Variants in FGF10 observed in about 807,000 individuals in gnomAD.
The protein encoded by FGF10 is FGF-10.
Under a neutral mutation model 19.8 loss-of-function variants are expected in FGF10, and 2 were observed. The observed-to-expected ratio is 0.10, with a 90% CI of 0.04 to 0.32. The LOEUF is 0.32. FGF10 is among the 10% of genes least tolerant of loss of function. FGF10 has a pLI of 1.00. For synonymous variants in FGF10, 112 were observed against 94.0 expected, an observed-to-expected ratio of 1.19 and a Z score of -1.10; for missense variants, 191 against 246.3, an observed-to-expected ratio of 0.78 and a Z score of 1.50.
chr5:44,380,772 G>A (rs771073762), intron 1 of FGF10, among the ~76,000 whole-genome samples: 46 of 152,202 alleles, frequency 3.0e-4, no homozygotes, highest in Non-Finnish European at 5.4e-4. Context: ...CTTGAGCCCA[G>A]GAATTTGAGA....
rs1050996219 is a variant in FGF10 at position 44,370,367 on chromosome 5, C to T, written c.325+17991G>A. 5.1e-4 allele frequency among the ~76,000 whole-genome samples: 77 copies of T among 152,086 alleles called. 1 individual carries two copies. The highest frequency in any genetic ancestry group is 1.3e-4 in the Admixed American group (2 of 15,256). Reference sequence around the variant, plus strand: ...GAACATATGCATTTATTTGCCTAGTCTCAGATAATATAAGTAAAAATCCTT... The same window carrying T: ...GAACATATGCATTTATTTGCCTAGTTTCAGATAATATAAGTAAAAATCCTT... On this transcript the variant is annotated intron_variant, in intron 1 of 2. Coordinates refer to ENST00000264664, the MANE Select transcript of FGF10 (RefSeq NM_004465.2).
intron 1 of FGF10, among the ~76,000 whole-genome samples, chr5:44,387,178 G>A (rs546316689): frequency 2.0e-5 from 3 of 152,312 alleles, no homozygotes; most frequent in African/African-American, 7.2e-5. Context: ...AATAGTGGAT[G>A]AATAAGTCTC....
chr5:44,318,135 C>T (rs1291430258), intron 1 of FGF10, among the ~76,000 whole-genome samples: 1 of 152,050 alleles, frequency 6.6e-6, no homozygotes, highest in Non-Finnish European at 1.5e-5. Flanking sequence ...TTTGCTGTGA[C>T]CCAAGATAAC....
In FGF10 at chr5:44,349,447, T is replaced by TATATATATCAGA. The variant is rs1554038131; in HGVS notation, c.325+38910_325+38911insTCTGATATATAT. 5.4e-3 allele frequency among the ~76,000 whole-genome samples: 84 copies of TATATATATCAGA among 15,452 alleles called. 2 individuals are homozygous for TATATATATCAGA. Among genetic ancestry groups the TATATATATCAGA allele is most frequent in the Non-Finnish European group, 1.0e-2 (63 of 6,320 alleles). The allele number at this position is 15,452 out of a possible 152,430, so 10.1% of individuals were successfully genotyped here. ...TTATATATATATATATATATATATA[T>TATATATATCAGA]ATATATATATATATATATATATCAG... is the stretch of plus-strand genomic sequence containing the variant. On this transcript the variant is annotated intron_variant, in intron 1 of 2. Coordinates refer to ENST00000264664, the MANE Select transcript of FGF10 (RefSeq NM_004465.2).
intron 1 of FGF10, among the ~76,000 whole-genome samples, chr5:44,348,218 G>A (rs965933367): frequency 6.6e-6 from 1 of 151,614 alleles, no homozygotes; most frequent in Admixed American, 6.6e-5. Flanking sequence ...TGCATATAAA[G>A]GTGGGTTAAC....
chr5:44,363,274 C>T (rs1219470795), intron 1 of FGF10, among the ~76,000 whole-genome samples: 4 of 151,788 alleles, frequency 2.6e-5, no homozygotes, highest in Non-Finnish European at 5.9e-5. Flanking sequence ...ATTAAAGCCA[C>T]TGGTAAATCT....
At chr5:44,308,664 T>A (rs955161903) in intron 2 of FGF10, among the ~76,000 whole-genome samples, 1 of 152,022 alleles carries the variant, frequency 6.6e-6, no homozygotes, top group Non-Finnish European at 1.5e-5. Flanking sequence ...AATGGAGAAA[T>A]TTTACTAAAA....
rs1056630484 is a variant in FGF10, at chr5:44,386,840, C to A, written c.325+1518G>T. On this transcript the variant is annotated intron_variant, in intron 1 of 2. Transcript: ENST00000264664. The stretch of plus-strand genomic sequence containing the variant: ...AAGTTAATGTTGAATGTGTGTGCAT[C>A]CCCACAGAAGAAAACTAAATTCTTA... Among the ~76,000 whole-genome samples the A allele has an allele frequency of 2.6e-5, 4 of 152,194 alleles. No homozygotes were observed. In the East Asian group the frequency reaches 5.8e-4, roughly 22 times the overall value.
intron 1 of FGF10, among the ~76,000 whole-genome samples, chr5:44,378,188 T>A (rs1741908818): frequency 6.6e-6 from 1 of 152,138 alleles, no homozygotes; most frequent in Non-Finnish European, 1.5e-5. Context: ...CCCTTGGGGA[T>A]GCTGAATAAA....
intron 1 of FGF10, among the ~76,000 whole-genome samples, chr5:44,348,045 A>T (rs989596992): frequency 4.6e-5 from 7 of 151,736 alleles, no homozygotes; most frequent in African/African-American, 1.7e-4. Context: ...ATGTAAATAG[A>T]ATGTGTCTGG....
chr5:44,358,210 A>T (rs1350602902), intron 1 of FGF10, among the ~76,000 whole-genome samples: 1 of 151,500 alleles, frequency 6.6e-6, no homozygotes, highest in African/African-American at 2.4e-5. Context: ...TCTTTAACGT[A>T]TGTTCATTGG....
intron 1 of FGF10, among the ~76,000 whole-genome samples, chr5:44,359,733 A>G (rs1331283628): frequency 6.6e-6 from 1 of 151,456 alleles, no homozygotes; most frequent in Non-Finnish European, 1.5e-5. Context: ...ATGGGATACA[A>G]GTGGAATTTT....
chr5:44,357,617 T>C (rs1323532645), intron 1 of FGF10, among the ~76,000 whole-genome samples: 2 of 151,422 alleles, frequency 1.3e-5, no homozygotes, highest in African/African-American at 4.8e-5. Context: ...ACATACCTCT[T>C]AAGTGGTGAA....
At chr5:44,351,753 C>T (rs1741238284) in intron 1 of FGF10, among the ~76,000 whole-genome samples, 1 of 151,528 alleles carries the variant, frequency 6.6e-6, no homozygotes, top group African/African-American at 2.4e-5. Flanking sequence ...TCCATTCTTG[C>T]AGGATAAATT....
intron 1 of FGF10, among the ~76,000 whole-genome samples, chr5:44,311,543 T>A (rs1019703906): frequency 2.0e-5 from 3 of 152,108 alleles, no homozygotes; most frequent in Non-Finnish European, 4.4e-5. Context: ...ATGACTCAAT[T>A]TTATTTGCAA....
chr5:44,365,563 TC>T (rs1741588802), intron 1 of FGF10, among the ~76,000 whole-genome samples: 1 of 151,926 alleles, frequency 6.6e-6, no homozygotes, highest in Non-Finnish European at 1.5e-5. Context: ...AATGGTTTTT[TC>T]CCCTACATGC....
Position 44,382,786 on chromosome 5 carries a change from A to T in FGF10, c.325+5572T>A, listed in dbSNP as rs189175818. On this transcript the variant is annotated intron_variant, in intron 1 of 2. Coordinates refer to ENST00000264664, the MANE Select transcript of FGF10 (RefSeq NM_004465.2). Reference sequence around the variant, plus strand: ...TTAAAATTACATAAACATGAATTGTATATTCCATCTTACTGTAAAATAAAA... The same window carrying T: ...TTAAAATTACATAAACATGAATTGTTTATTCCATCTTACTGTAAAATAAAA... 1.1e-4 allele frequency among the ~76,000 whole-genome samples: 16 copies of T among 152,284 alleles called. 1 individual carries two copies. The highest frequency in any genetic ancestry group is 9.8e-4 in the Admixed American group (15 of 15,304).
chr5:44,309,830 C>G (rs1286325359), intron 2 of FGF10, among the ~76,000 whole-genome samples: 1 of 152,122 alleles, frequency 6.6e-6, no homozygotes, highest in Non-Finnish European at 1.5e-5. Context: ...GCCCAAAGCA[C>G]TGCAGGGATA....
intron 1 of FGF10, among the ~76,000 whole-genome samples, chr5:44,379,173 G>A (rs1268738773): frequency 6.6e-6 from 1 of 152,122 alleles, no homozygotes; most frequent in Admixed American, 6.5e-5. Context: ...CACTGTACTT[G>A]TGTCATTGAT....
Sources: allele counts gnomAD v4.1 joint callset (sites outside exome capture counted in the v4.1 genomes callset), GRCh38; gene constraint gnomAD v4.1.1; transcripts MANE v1.5; gene names NCBI Gene and HGNC (gene_info 2026-07-23, HGNC 2026-07-21).